Variants in MGAT4C observed in about 807,000 individuals in gnomAD.
MGAT4C encodes alpha-1,3-mannosyl-glycoprotein 4-beta-N-acetylglucosaminyltransferase C.
A neutral mutation model predicts 40.1 loss-of-function variants in MGAT4C; 19 were observed. That is an observed-to-expected ratio of 0.47 (90% CI 0.33 to 0.70). The LOEUF (loss-of-function observed/expected upper bound fraction) is 0.70, where lower values mean the gene tolerates loss of function less well. MGAT4C is among the 30% of genes least tolerant of loss of function. MGAT4C has a pLI of 0.02. For missense variants in MGAT4C, 491 were observed against 563.2 expected (o/e 0.87, Z 1.30); for synonymous variants, 181 against 187.1 (o/e 0.97, Z 0.27).
chr12:86,017,015 A>G (rs1296674908), intron 2 of MGAT4C, among the ~76,000 whole-genome samples: 1 of 152,112 alleles, frequency 6.6e-6, no homozygotes, highest in Admixed American at 6.6e-5. Context: ...AACTCATACC[A>G]TTGAGTTCAT....
rs535113652 is a variant in MGAT4C at position 86,619,281 on chromosome 12, C to T, written c.-229+107928G>A. On this transcript the variant is annotated intron_variant, in intron 2 of 7. Transcript: ENST00000548651. ...ACTAAACTAAATTTTCCCTTTTAAA[C>T]TTTCTTCAACTCCTTAATCTTTTAT... Among the ~76,000 whole-genome samples the T allele has an allele frequency of 2.6e-5, 4 of 152,054 alleles. No homozygotes were observed. The East Asian group carries it at 7.7e-4, about 29-fold the overall frequency.
At chr12:86,012,107 A>C (rs1737765572) in intron 2 of MGAT4C, among the ~76,000 whole-genome samples, 1 of 152,224 alleles carries the variant, frequency 6.6e-6, no homozygotes, top group African/African-American at 2.4e-5. Flanking sequence ...TTATATTATC[A>C]TGATTTGAGT....
Position 86,226,099 on chromosome 12 carries a change from G to A in MGAT4C, c.-57+30140C>T, listed in dbSNP as rs1320566088. ...ATGCAATATTTTACCCATAGCTACTGGACATGTCATATCAACATGAAAAAA... is the reference window on the plus strand; with the variant it reads ...ATGCAATATTTTACCCATAGCTACTAGACATGTCATATCAACATGAAAAAA... On this transcript the variant is annotated intron_variant, in intron 1 of 4. Transcript: ENST00000611864. Among the ~76,000 whole-genome samples, 3 of 151,014 alleles carry A rather than the reference G, an allele frequency of 2.0e-5. No homozygotes were observed. In the South Asian group the frequency reaches 6.3e-4, roughly 32 times the overall value.
chr12:86,432,606 T>C (rs1242802393), intron 3 of MGAT4C, among the ~76,000 whole-genome samples: 2 of 152,014 alleles, frequency 1.3e-5, no homozygotes, highest in Admixed American at 6.6e-5. Flanking sequence ...AGGTAAGCTT[T>C]GTAGATTTGT....
chr12:86,713,445 A>G (rs1338413745), intron 2 of MGAT4C, among the ~76,000 whole-genome samples: 7 of 152,108 alleles, frequency 4.6e-5, no homozygotes, highest in Non-Finnish European at 1.0e-4. Context: ...TTCTCACATC[A>G]TAATGAATGC....
At chr12:86,005,520 G>T (rs191484791) in intron 2 of MGAT4C, among the ~76,000 whole-genome samples, 2 of 152,174 alleles carry the variant, frequency 1.3e-5, no homozygotes, top group East Asian at 1.9e-4. Context: ...GAAAAAGCTG[G>T]CCCAATAATA....
intron 3 of MGAT4C, among the ~76,000 whole-genome samples, chr12:86,343,200 C>A (rs973090570): frequency 2.0e-5 from 3 of 152,086 alleles, no homozygotes; most frequent in Admixed American, 6.6e-5. Flanking sequence ...GCAAAAGAAA[C>A]ATACATATAC....
At chr12:86,738,911 G>GA (rs34127456) in intron 1 of MGAT4C, among the ~76,000 whole-genome samples, 1 of 150,546 alleles carries the variant, frequency 6.6e-6, no homozygotes, top group Admixed American at 6.6e-5. Context: ...CTATTACTGG[G>GA]AAAAAGCTCT....
intron 1 of MGAT4C, among the ~76,000 whole-genome samples, chr12:86,763,435 T>A (rs1951440383): frequency 3.9e-5 from 6 of 152,220 alleles, no homozygotes. Context: ...TCATTTGATA[T>A]CATATTAATG....
intron 3 of MGAT4C, among the ~76,000 whole-genome samples, chr12:86,424,918 G>A (rs1436334618): frequency 1.3e-5 from 2 of 151,948 alleles, no homozygotes; most frequent in African/African-American, 2.4e-5. Context: ...TCCAATGCCT[G>A]GCTAATTTTT....
rs1423381432 is a variant in MGAT4C at position 86,382,450 on chromosome 12, C to CA, written c.-119-48324dup. On this transcript the variant is annotated intron_variant, in intron 3 of 7. Coordinates refer to the MGAT4C transcript ENST00000548651. ...AAAAGGGAAGCAGAGCATAAAAGTT[C>CA]AAAAAATTTGCAGCCTGACAATGCA... Among the ~76,000 whole-genome samples the CA allele has an allele frequency of 4.6e-5, 7 of 152,188 alleles. No homozygotes were observed. In the East Asian group the frequency reaches 1.4e-3, roughly 29 times the overall value.
chr12:86,551,029 C>G (rs1164758039), intron 2 of MGAT4C, among the ~76,000 whole-genome samples: 2 of 151,726 alleles, frequency 1.3e-5, no homozygotes, highest in Non-Finnish European at 2.9e-5. Context: ...CACGTGCCCA[C>G]ATCTCAAGCC....
rs1345009343 is a variant in MGAT4C, at chr12:85,973,892, T to C, written c.*5397A>G. ...ATGGTCTCAAACATACATTTCAATT[T>C]CAATGTTAAAAATAGGATATTAAAC... On this transcript the variant is annotated 3_prime_UTR_variant, in exon 5 of 5. Transcript: ENST00000611864. 2.0e-5 allele frequency: 3 copies of C among 151,004 alleles called. No homozygotes were observed. Among genetic ancestry groups the C allele is most frequent in the East Asian group, 3.9e-4 (2 of 5,174 alleles). 9.4% of individuals were successfully genotyped at this position (151,004 alleles called of 1,614,324 possible).
At chr12:86,674,711 A>C (rs1203640968) in intron 2 of MGAT4C, among the ~76,000 whole-genome samples, 3 of 152,144 alleles carry the variant, frequency 2.0e-5, no homozygotes, top group Non-Finnish European at 4.4e-5. Context: ...AAATAAAAAT[A>C]ATAATAATTT....
At chr12:86,434,751 G>T (rs1045002507) in intron 3 of MGAT4C, among the ~76,000 whole-genome samples, 24 of 151,886 alleles carry the variant, frequency 1.6e-4, no homozygotes, top group African/African-American at 5.8e-4. Context: ...CGAATTTGGT[G>T]GTGGTGAGCT....
intron 3 of MGAT4C, among the ~76,000 whole-genome samples, chr12:86,371,451 T>C (rs1247828706): frequency 6.6e-6 from 1 of 152,020 alleles, no homozygotes; most frequent in African/African-American, 2.4e-5. Context: ...CCAATGAAAG[T>C]GTTCAGCAAT....
intron 1 of MGAT4C, among the ~76,000 whole-genome samples, chr12:86,222,835 A>G (rs565226276): frequency 1.3e-5 from 2 of 152,308 alleles, no homozygotes; most frequent in South Asian, 4.1e-4. Context: ...GAGAGAAGAG[A>G]AGCAAGTCGA....
intron 1 of MGAT4C, among the ~76,000 whole-genome samples, chr12:86,813,912 T>C (rs944834190): frequency 2.0e-5 from 3 of 151,998 alleles, no homozygotes; most frequent in Non-Finnish European, 2.9e-5. Context: ...TTTCTTTCTT[T>C]TTTTTGGGGG....
At chr12:86,662,445 T>C (rs769409741) in intron 2 of MGAT4C, among the ~76,000 whole-genome samples, 3 of 152,214 alleles carry the variant, frequency 2.0e-5, no homozygotes, top group South Asian at 2.1e-4. Flanking sequence ...CAATGACCTA[T>C]GTGTGTTATC....
Sources: allele counts gnomAD v4.1 joint callset (sites outside exome capture counted in the v4.1 genomes callset), GRCh38; gene constraint gnomAD v4.1.1; transcripts MANE v1.5; gene names NCBI Gene and HGNC (gene_info 2026-07-23, HGNC 2026-07-21).